SEMA6D: variants seen among roughly 807,000 people sequenced by gnomAD.
SEMA6D encodes the protein semaphorin 6D.
In SEMA6D, 35 loss-of-function variants were observed where a neutral mutation model predicts 106.6. That is an observed-to-expected ratio of 0.33 (90% CI 0.25 to 0.44). The LOEUF (loss-of-function observed/expected upper bound fraction) is 0.44, where lower values mean the gene tolerates loss of function less well. Ranked by LOEUF, SEMA6D falls within the 20% of genes least tolerant of loss-of-function variation. SEMA6D has a pLI of 1.00. For missense variants in SEMA6D, 1,185 were observed against 1,345.9 expected (o/e 0.88, Z 1.87); for synonymous variants, 499 against 487.7 (o/e 1.02, Z -0.31).
chr15:47,243,366 G>C (rs926018532), intron 1 of SEMA6D, among the ~76,000 whole-genome samples: 4 of 151,600 alleles, frequency 2.6e-5, no homozygotes, highest in Non-Finnish European at 4.4e-5. Flanking sequence ...GATTTTAAGA[G>C]CCCAGGAGGC....
chr15:47,354,492 C>T (rs1002517347), intron 1 of SEMA6D, among the ~76,000 whole-genome samples: 46 of 115,780 alleles, frequency 4.0e-4, no homozygotes, highest in Non-Finnish European at 5.5e-4. Context: ...AGAAAAAGAA[C>T]TAAGTTATAT....
intron 3 of SEMA6D, among the ~76,000 whole-genome samples, chr15:47,493,687 G>A (rs927008264): frequency 5.3e-5 from 8 of 152,140 alleles, no homozygotes; most frequent in East Asian, 3.9e-4. Flanking sequence ...TCACTTATTC[G>A]TTATATTTTT....
chr15:47,550,889 G>A (rs1370006716), intron 3 of SEMA6D, among the ~76,000 whole-genome samples: 3 of 152,098 alleles, frequency 2.0e-5, no homozygotes, highest in Admixed American at 6.6e-5. Flanking sequence ...GGCAAAATTC[G>A]ATGTGGGAGA....
intron 1 of SEMA6D, among the ~76,000 whole-genome samples, chr15:47,250,134 C>T (rs2033428309): frequency 6.6e-6 from 1 of 152,128 alleles, no homozygotes; most frequent in African/African-American, 2.4e-5. Context: ...TTTTTACTGG[C>T]AGGTTTTCTA....
At chr15:47,568,668 G>A (rs891425907) in intron 3 of SEMA6D, among the ~76,000 whole-genome samples, 2 of 151,906 alleles carry the variant, frequency 1.3e-5, no homozygotes, top group Non-Finnish European at 2.9e-5. Context: ...TTTATTATGT[G>A]TCCTCAGTGA....
chr15:47,195,890 T>C (rs1365743823), intron 1 of SEMA6D, among the ~76,000 whole-genome samples: 2 of 151,930 alleles, frequency 1.3e-5, no homozygotes, highest in Admixed American at 6.6e-5. Flanking sequence ...CACCTACAGA[T>C]GGGGATTCAA....
intron 1 of SEMA6D, among the ~76,000 whole-genome samples, chr15:47,348,277 T>G (rs2038126767): frequency 6.6e-6 from 1 of 152,136 alleles, no homozygotes; most frequent in African/African-American, 2.4e-5. Context: ...AGTATGACCC[T>G]GGAAAAGTTA....
At chr15:47,233,333 T>G (rs1299484854) in intron 1 of SEMA6D, among the ~76,000 whole-genome samples, 1 of 152,032 alleles carries the variant, frequency 6.6e-6, no homozygotes, top group African/African-American at 2.4e-5. Context: ...TTTTGATCAC[T>G]GTACTTTCGC....
At chr15:47,235,719 T>C (rs1368179841) in intron 1 of SEMA6D, among the ~76,000 whole-genome samples, 1 of 152,154 alleles carries the variant, frequency 6.6e-6, no homozygotes, top group African/African-American at 2.4e-5. Flanking sequence ...TTGGTTACTA[T>C]AACTTTGTAG....
At chr15:47,756,359 C>G (rs1308218726) in intron 1 of SEMA6D, among the ~76,000 whole-genome samples, 3 of 151,716 alleles carry the variant, frequency 2.0e-5, no homozygotes, top group Non-Finnish European at 4.4e-5. Flanking sequence ...ACCTTTTTGC[C>G]AGACAAGACG....
At chr15:47,580,945 A>G (rs1476600896) in intron 3 of SEMA6D, among the ~76,000 whole-genome samples, 1 of 152,204 alleles carries the variant, frequency 6.6e-6, no homozygotes, top group East Asian at 1.9e-4. Context: ...ATAGGAATAT[A>G]CAGAGTGGAC....
intron 1 of SEMA6D, among the ~76,000 whole-genome samples, chr15:47,194,611 T>C (rs1000876073): frequency 1.3e-5 from 2 of 152,182 alleles, no homozygotes; most frequent in Non-Finnish European, 2.9e-5. Context: ...CAGTAGGGCC[T>C]TGCACACATA....
intron 4 of SEMA6D, among the ~76,000 whole-genome samples, chr15:47,695,766 C>T (rs542734500): frequency 6.6e-6 from 1 of 152,134 alleles, no homozygotes; most frequent in African/African-American, 2.4e-5. Flanking sequence ...CATTTGAATG[C>T]CTGGATGTGA....
At chr15:47,249,714 G>A (rs1388779013) in intron 1 of SEMA6D, among the ~76,000 whole-genome samples, 1 of 152,296 alleles carries the variant, frequency 6.6e-6, no homozygotes, top group Non-Finnish European at 1.5e-5. Flanking sequence ...CTAATCTTGA[G>A]AAACATGATG....
rs149626942 is a variant in SEMA6D at position 47,269,537 on chromosome 15, A to G, written c.-239+85119A>G. Among the ~76,000 whole-genome samples, 16 of 152,250 alleles carry G rather than the reference A, an allele frequency of 1.1e-4. 1 individual carries two copies. The East Asian group carries it at 2.1e-3, about 20-fold the overall frequency. ...TACATTAATTCAAGAGGCTATTTTT[A>G]CTTTTATCTTTAATCCCACTTCTAT... On this transcript the variant is annotated intron_variant, in intron 1 of 19. Coordinates refer to the SEMA6D transcript ENST00000558014.
In SEMA6D at chr15:47,772,800, T is replaced by C. The variant is rs1263991906; in HGVS notation, c.*1015T>C. 4.0e-5 allele frequency: 5 copies of C among 124,430 alleles called. No individual in the cohort carries two copies. The highest frequency in any genetic ancestry group is 8.3e-5 in the Admixed American group (1 of 11,984). 7.7% of individuals were successfully genotyped at this position (124,430 alleles called of 1,614,324 possible). The stretch of plus-strand genomic sequence containing the variant: ...TAAGGTTTTATTTTGATTGTGTTCG[T>C]TTCCCCCCCCCCAATAGTAAAATTT... On this transcript the variant is annotated 3_prime_UTR_variant, in exon 19 of 19. Coordinates refer to ENST00000536845, the MANE Select transcript of SEMA6D (RefSeq NM_001358351.3).
chr15:47,585,745 G>T (rs1466568443), intron 3 of SEMA6D, among the ~76,000 whole-genome samples: 1 of 144,560 alleles, frequency 6.9e-6, no homozygotes, highest in Non-Finnish European at 1.6e-5. Context: ...GCTATGCACT[G>T]GGCTAAGTAA....
intron 3 of SEMA6D, among the ~76,000 whole-genome samples, chr15:47,534,380 A>T (rs2045083691): frequency 6.6e-6 from 1 of 151,812 alleles, no homozygotes; most frequent in Admixed American, 6.6e-5. Context: ...ATGAGGTTTC[A>T]CCATATTGGC....
At chr15:47,697,005 C>T (rs1371562164) in intron 4 of SEMA6D, among the ~76,000 whole-genome samples, 1 of 152,098 alleles carries the variant, frequency 6.6e-6, no homozygotes, top group East Asian at 1.9e-4. Context: ...CTACCTAGGC[C>T]TCTACTGCAA....
Sources: allele counts gnomAD v4.1 joint callset (sites outside exome capture counted in the v4.1 genomes callset), GRCh38; gene constraint gnomAD v4.1.1; transcripts MANE v1.5; gene names NCBI Gene and HGNC (gene_info 2026-07-23, HGNC 2026-07-21).